Variants in ATRNL1 observed in about 807,000 individuals in gnomAD.
ATRNL1 encodes attractin-like protein 1.
In ATRNL1, 95 loss-of-function variants were observed where a neutral mutation model predicts 182.7. The ratio of observed to expected loss-of-function variants is 0.52; its 90% confidence interval spans 0.44 to 0.62. ATRNL1 has a LOEUF of 0.62. Among genes scored for constraint, ATRNL1 ranks in the 20% least tolerant of loss-of-function variants. ATRNL1 has a pLI of 0.00. For missense variants in ATRNL1, 1,471 were observed against 1,679.5 expected, an observed-to-expected ratio of 0.88 and a Z score of 2.17; for synonymous variants, 576 against 568.3, an observed-to-expected ratio of 1.01 and a Z score of -0.19.
At chr10:115,554,040 G>T (rs1554996351) in intron 26 of ATRNL1, among the ~76,000 whole-genome samples, 1 of 151,430 alleles carries the variant, frequency 6.6e-6, no homozygotes, top group Non-Finnish European at 1.5e-5. Context: ...AACTGATAAG[G>T]TACTGCCTGC....
At chr10:115,338,441 A>G (rs1232025125) in intron 19 of ATRNL1, among the ~76,000 whole-genome samples, 1 of 152,008 alleles carries the variant, frequency 6.6e-6, no homozygotes, top group Non-Finnish European at 1.5e-5. Context: ...AACTGGGGTG[A>G]TATTACAGTT....
chr10:115,383,600 T>C (rs1554951789), intron 19 of ATRNL1, among the ~76,000 whole-genome samples: 2 of 151,934 alleles, frequency 1.3e-5, no homozygotes, highest in African/African-American at 4.8e-5. Context: ...TTGATACCTT[T>C]CCAAATCAAG....
At chr10:115,505,115 C>A (rs1254786829) in intron 24 of ATRNL1, among the ~76,000 whole-genome samples, 1 of 151,974 alleles carries the variant, frequency 6.6e-6, no homozygotes, top group South Asian at 2.1e-4. Flanking sequence ...AAGATGGATG[C>A]CAAATTAAAC....
intron 28 of ATRNL1, among the ~76,000 whole-genome samples, chr10:115,940,672 A>ACTCTCTCTCTCTCT (rs144547639): frequency 3.9e-5 from 5 of 128,914 alleles, no homozygotes; most frequent in East Asian, 2.1e-4. Flanking sequence ...GACAGAGATT[A>ACTCTCTCTCTCTCT]CTCTCTCTCT....
At chr10:115,673,218 C>G (rs1945754130) in intron 26 of ATRNL1, among the ~76,000 whole-genome samples, 1 of 152,078 alleles carries the variant, frequency 6.6e-6, no homozygotes, top group Non-Finnish European at 1.5e-5. Context: ...AGTTTCAAAT[C>G]TGAGTGATAT....
At chr10:115,621,276 T>TATATATATATATATATATAGAGAGAG in intron 26 of ATRNL1, among the ~76,000 whole-genome samples, 1 of 47,584 alleles carries the variant, frequency 2.1e-5, no homozygotes, top group African/African-American at 7.4e-5. Context: ...TATATATATA[T>TATATATATATATATATATAGAGAGAG]AGAGAGAGAG....
chr10:115,317,980 C>T (rs910708592), intron 18 of ATRNL1, among the ~76,000 whole-genome samples: 2 of 152,082 alleles, frequency 1.3e-5, no homozygotes, highest in Non-Finnish European at 2.9e-5. Context: ...TACTGGTTTT[C>T]AAAGCAAATG....
intron 24 of ATRNL1, among the ~76,000 whole-genome samples, chr10:115,469,772 C>G (rs1355008422): frequency 2.0e-5 from 3 of 150,396 alleles, no homozygotes; most frequent in Admixed American, 1.3e-4. Flanking sequence ...TAAGTAATTA[C>G]CTCTCATCAT....
chr10:115,429,788 C>A (rs782598049), intron 21 of ATRNL1, among the ~76,000 whole-genome samples: 5 of 152,072 alleles, frequency 3.3e-5, no homozygotes, highest in Non-Finnish European at 4.4e-5. Flanking sequence ...TATTTTCTGG[C>A]CGGGCGCTGT....
chr10:115,193,336 C>T (rs1554890271), intron 8 of ATRNL1, among the ~76,000 whole-genome samples: 1 of 151,956 alleles, frequency 6.6e-6, no homozygotes, highest in Non-Finnish European at 1.5e-5. Context: ...TCTCTTCATT[C>T]TGTTGACACC....
At chr10:115,647,898 A>G (rs868946429) in intron 26 of ATRNL1, among the ~76,000 whole-genome samples, 25 of 152,292 alleles carry the variant, frequency 1.6e-4, no homozygotes, top group East Asian at 1.2e-3. Flanking sequence ...GGTATTGCCT[A>G]GGTTTTCTTC....
intron 19 of ATRNL1, among the ~76,000 whole-genome samples, chr10:115,339,907 T>C (rs1344273309): frequency 6.6e-6 from 1 of 152,210 alleles, no homozygotes; most frequent in East Asian, 1.9e-4. Flanking sequence ...GTTTTTATCA[T>C]GAAGGGATCT....
chr10:115,402,714 A>G (rs972036143), intron 20 of ATRNL1, among the ~76,000 whole-genome samples: 3 of 152,196 alleles, frequency 2.0e-5, no homozygotes, highest in Non-Finnish European at 4.4e-5. Context: ...ATATATGGCA[A>G]TATTACTAAT....
chr10:115,922,719 G>A lies in ATRNL1; in HGVS notation c.4019-21939G>A, dbSNP rs139984423. On this transcript the variant is annotated intron_variant, in intron 28 of 28. Coordinates refer to ENST00000355044, the MANE Select transcript of ATRNL1 (RefSeq NM_207303.4). The stretch of plus-strand genomic sequence containing the variant: ...CCATCAGTGCTGACTTTTCCAATCT[G>A]ACATATGTAGTAGCGTAAGAACATG... Among the ~76,000 whole-genome samples, 834 of 152,246 alleles carry A rather than the reference G, an allele frequency of 5.5e-3. 6 individuals carry two copies. The highest frequency in any genetic ancestry group is 0.019 in the African/African-American group (779 of 41,550).
intron 23 of ATRNL1, 47 bp from the exon 24 acceptor site, chr10:115,469,125 A>G: frequency 2.7e-6 from 2 of 740,212 alleles, no homozygotes; most frequent in Non-Finnish European, 1.9e-6. Context: ...TTTTAAATTC[A>G]TAAAGATATT....
chr10:115,097,856 G>A (rs533161872), intron 1 of ATRNL1, among the ~76,000 whole-genome samples: 13 of 152,102 alleles, frequency 8.5e-5, no homozygotes, highest in Admixed American at 2.0e-4. Context: ...CCCAGGAGGC[G>A]GAGGTTGCAG....
chr10:115,948,826 A>G lies in ATRNL1; in HGVS notation c.*4047A>G, dbSNP rs1255996739. Reference sequence around the variant, plus strand: ...TTATCAAAATTTTTTGAAATTAAGAATTAGAACCAGAGCTCCTATCAGTAT... The same window carrying G: ...TTATCAAAATTTTTTGAAATTAAGAGTTAGAACCAGAGCTCCTATCAGTAT... On this transcript the variant is annotated 3_prime_UTR_variant, in exon 29 of 29. Coordinates refer to ENST00000355044, the MANE Select transcript of ATRNL1 (RefSeq NM_207303.4). 1 of 152,244 alleles carries G rather than the reference A, an allele frequency of 6.6e-6. No homozygotes were observed. The highest frequency in any genetic ancestry group is 1.5e-5 in the Non-Finnish European group (1 of 68,058). The allele number at this position is 152,244 out of a possible 1,614,324, so 9.4% of individuals were successfully genotyped here.
chr10:115,506,158 G>T (rs1047257550), intron 24 of ATRNL1, among the ~76,000 whole-genome samples: 7 of 151,918 alleles, frequency 4.6e-5, no homozygotes, highest in Non-Finnish European at 7.4e-5. Flanking sequence ...ACCTTTGTGT[G>T]CATGTGTTGT....
chr10:115,455,760 A>G (rs572708184), intron 21 of ATRNL1, among the ~76,000 whole-genome samples: 1 of 152,314 alleles, frequency 6.6e-6, no homozygotes, highest in East Asian at 1.9e-4. Context: ...AATATCCAGA[A>G]TCTACAAGGA....
Sources: gnomAD v4.1 joint callset for allele counts (sites outside exome capture counted in the v4.1 genomes callset) on GRCh38, gnomAD v4.1.1 for gene constraint, MANE v1.5 for transcripts, NCBI Gene and HGNC (gene_info 2026-07-23, HGNC 2026-07-21) for gene names.